AGPAT1: variants seen among roughly 807,000 people sequenced by gnomAD.
AGPAT1 encodes the protein 1-acylglycerol-3-phosphate O-acyltransferase 1, also known as 1-acyl-sn-glycerol-3-phosphate acyltransferase alpha.
AGPAT1 carries 6 observed loss-of-function variants against 31.2 expected under a neutral mutation model. The ratio of observed to expected loss-of-function variants is 0.19; its 90% CI spans 0.11 to 0.38. The LOEUF (loss-of-function observed/expected upper bound fraction) is 0.38, where lower values mean the gene tolerates loss of function less well. AGPAT1 is among the 10% of genes least tolerant of loss of function. AGPAT1 has a pLI of 1.00. For synonymous variants in AGPAT1, 139 were observed against 154.0 expected, an observed-to-expected ratio of 0.90 and a Z score of 0.72; for missense variants, 187 against 377.8, an observed-to-expected ratio of 0.49 and a Z score of 4.19.
rs769152569 is a variant in AGPAT1 at position 32,171,406 on chromosome 6, T to C, written c.91A>G (p.Ser31Gly). 1.2e-6 allele frequency: 2 copies of C among 1,613,158 alleles called. No homozygotes were observed. The highest frequency in any genetic ancestry group is 2.2e-5 in the East Asian group (1 of 44,882). The change falls in exon 2 of 7, where the codon AGT (serine) becomes GGT (glycine). Residue 31 changes from serine to glycine, a missense_variant. This residue lies in a region of AGPAT1 where 45 missense variants were observed against 60.9 expected (regional missense o/e 0.74). Transcript: ENST00000375107. The surrounding 1 kb of genome is among the most constrained non-coding windows in gnomAD (Gnocchi z 6.9). ...GCCATCTTGAAGAAGTACTTGGCACTGGGGCTGCAGAACCACAGGGTGGGC... is the reference window on the plus strand; with the variant it reads ...GCCATCTTGAAGAAGTACTTGGCACCGGGGCTGCAGAACCACAGGGTGGGC... ...LLPTLWFCSP[S>G]AKYFFKMAFY...
rs1264314594 is a variant in AGPAT1, at chr6:32,174,333, C to T, written c.-10+1481G>A. ...TAGAAGTGACTACTAAAAGAAGTCACTGAGAAAGTAACGAACACACCAAGC... is the reference window on the plus strand; with the variant it reads ...TAGAAGTGACTACTAAAAGAAGTCATTGAGAAAGTAACGAACACACCAAGC... On this transcript the variant is annotated intron_variant, in intron 1 of 6. Coordinates refer to ENST00000375107, the MANE Select transcript of AGPAT1 (RefSeq NM_006411.4). The surrounding 1 kb of genome is among the most constrained non-coding windows in gnomAD (Gnocchi z 4.5). Among the ~76,000 whole-genome samples the T allele has an allele frequency of 6.6e-6, 1 of 152,148 alleles. No homozygotes were observed. The highest frequency in any genetic ancestry group is 2.4e-5 in the African/African-American group (1 of 41,418).
At chr6:32,176,586 CTCTGG>C, upstream of AGPAT1, 1 of 960,390 alleles carries the variant, frequency 1.0e-6, no homozygotes, top group Non-Finnish European at 1.2e-6. Flanking sequence ...CTCTCCAGTC[CTCTGG>C]TCTGGTTTCC....
Position 32,168,501 on chromosome 6 carries a change from G to A in AGPAT1, c.*775C>T, listed in dbSNP as rs1217797524. 6.4e-6 allele frequency: 1 copy of A among 155,324 alleles called. No homozygotes were observed. 9.6% of individuals were successfully genotyped at this position (155,324 alleles called of 1,614,324 possible). A position where few individuals can be genotyped will look rare whatever the true frequency, so the allele number is the denominator to read the frequency against. On this transcript the variant is annotated 3_prime_UTR_variant, in exon 7 of 7. Transcript: ENST00000375107. The surrounding 1 kb of genome is among the most constrained non-coding windows in gnomAD (Gnocchi z 4.5). Reference sequence around the variant, plus strand: ...AACTCCCCAGGGGGCAGAAGTGAGTGCAGCACCTGATGTCTGCTTCTTCCC... The same window carrying A: ...AACTCCCCAGGGGGCAGAAGTGAGTACAGCACCTGATGTCTGCTTCTTCCC...
chr6:32,174,899 G>A lies in AGPAT1; in HGVS notation c.-10+915C>T, dbSNP rs567202702. 9.9e-5 allele frequency among the ~76,000 whole-genome samples: 15 copies of A among 152,118 alleles called. No homozygotes were observed. Among genetic ancestry groups the A allele is most frequent in the Non-Finnish European group, 1.8e-4 (12 of 68,020 alleles). ...TTACATCAGTGTATCATGCAAAGGCGCATACACATGTGTTCTGTGAACTGT... is the reference window on the plus strand; with the variant it reads ...TTACATCAGTGTATCATGCAAAGGCACATACACATGTGTTCTGTGAACTGT... On this transcript the variant is annotated intron_variant, in intron 1 of 6. Transcript: ENST00000375107. This position sits in a 1 kb window ranked among gnomAD's most constrained non-coding sequence, Gnocchi z 4.5.
chr6:32,168,755 T>G lies in AGPAT1; in HGVS notation c.*521A>C. 1 of 155,856 alleles carries G rather than the reference T, an allele frequency of 6.4e-6. No individual in the cohort carries two copies. The highest frequency in any genetic ancestry group is 1.9e-4 in the East Asian group (1 of 5,288). 9.7% of individuals were successfully genotyped at this position (155,856 alleles called of 1,614,324 possible). A position where few individuals can be genotyped will look rare whatever the true frequency, so the allele number is the denominator to read the frequency against. ...ACACTGGGAGGGAAGGTGAAGGTGC[T>G]GAGGAAAGCTCCCATGATGAGCCTG... On this transcript the variant is annotated 3_prime_UTR_variant, in exon 7 of 7. Transcript: ENST00000375107. The surrounding 1 kb of genome is among the most constrained non-coding windows in gnomAD (Gnocchi z 4.5).
chr6:32,169,296 T>G lies in AGPAT1; in HGVS notation c.832A>C (p.Lys278Gln). 1.2e-6 allele frequency: 2 copies of G among 1,612,814 alleles called. No homozygotes were observed. Among genetic ancestry groups the G allele is most frequent in the Non-Finnish European group, 1.7e-6 (2 of 1,179,886 alleles). Residue 278 changes from lysine to glutamine, a missense_variant, in exon 7 of 7, where the codon AAG becomes CAG. By Grantham distance (53) the Lys-to-Gln change is moderately conservative. Transcript: ENST00000375107. This position sits in a 1 kb window ranked among gnomAD's most constrained non-coding sequence, Gnocchi z 5.9. ...AGGGTTCACCCACCGCCCCCAGGCT[T>G]CTTCAGATAGTCACCACCACCCCGG... is the stretch of plus-strand genomic sequence containing the variant. ...DGRGGGDYLKKPGGGG is the reference protein window; with the variant it reads ...DGRGGGDYLKQPGGGG
Position 32,171,141 on chromosome 6 carries a change from C to T in AGPAT1, c.201-71G>A, listed in dbSNP as rs1785061443. 1.9e-6 allele frequency: 3 copies of T among 1,590,084 alleles called. No homozygotes were observed. The highest frequency in any genetic ancestry group is 2.6e-6 in the Non-Finnish European group (3 of 1,165,510). ...ATCTGCATGCCTCAGCTCCCCCCAC[C>T]TTACTGTCTTTCTGACCACCTTTGC... is the stretch of plus-strand genomic sequence containing the variant. On this transcript the variant is annotated intron_variant, in intron 2 of 6. Coordinates refer to ENST00000375107, the MANE Select transcript of AGPAT1 (RefSeq NM_006411.4). The surrounding 1 kb of genome is among the most constrained non-coding windows in gnomAD (Gnocchi z 6.9).
rs1048634293 is a variant in AGPAT1, at chr6:32,170,618, T to A, written c.335-18A>T. 1.9e-6 allele frequency: 3 copies of A among 1,608,626 alleles called. No homozygotes were observed. Among genetic ancestry groups the A allele is most frequent in the Non-Finnish European group, 2.5e-6 (3 of 1,179,858 alleles). On this transcript the variant is annotated intron_variant, in intron 3 of 6. Transcript: ENST00000375107. This position sits in a 1 kb window ranked among gnomAD's most constrained non-coding sequence, Gnocchi z 7.7. Reference sequence around the variant, plus strand: ...CATCATCCCTTGGGCAGGGTGGGAGTGGGTGAGGATCGGGGTGGAGGCAGA... The same window carrying A: ...CATCATCCCTTGGGCAGGGTGGGAGAGGGTGAGGATCGGGGTGGAGGCAGA...
At position 32,170,314 on chromosome 6, in the gene AGPAT1, G is replaced by C; in HGVS notation, c.511-54C>G. Reference sequence around the variant, plus strand: ...AAATACATATGGAGGAGTCAGAATAGGTGTGATGTTATAATGGGACCTTTG... The same window carrying C: ...AAATACATATGGAGGAGTCAGAATACGTGTGATGTTATAATGGGACCTTTG... On this transcript the variant is annotated intron_variant, in intron 4 of 6. Transcript: ENST00000375107. This position sits in a 1 kb window ranked among gnomAD's most constrained non-coding sequence, Gnocchi z 7.7. The C allele has an allele frequency of 6.2e-7, 1 of 1,604,862 alleles. No homozygotes were observed. The highest frequency in any genetic ancestry group is 2.2e-5 in the East Asian group (1 of 44,700).
Position 32,175,246 on chromosome 6 carries a change from C to T in AGPAT1, c.-10+568G>A, listed in dbSNP as rs1341634727. Reference sequence around the variant, plus strand: ...GCAATTCTGATAGAAAATAACACACCATTTCTACACAGCCTATGGATAGCA... The same window carrying T: ...GCAATTCTGATAGAAAATAACACACTATTTCTACACAGCCTATGGATAGCA... On this transcript the variant is annotated intron_variant, in intron 1 of 6. Transcript: ENST00000375107. This position sits in a 1 kb window ranked among gnomAD's most constrained non-coding sequence, Gnocchi z 4.5. Among the ~76,000 whole-genome samples the T allele has an allele frequency of 6.6e-6, 1 of 152,032 alleles. No homozygotes were observed. Among genetic ancestry groups the T allele is most frequent in the African/African-American group, 2.4e-5 (1 of 41,362 alleles).
rs1490269716 is a variant in AGPAT1 at position 32,171,255 on chromosome 6, ACC to A, written c.200+40_200+41del. On this transcript the variant is annotated intron_variant, in intron 2 of 6. Transcript: ENST00000375107. This position sits in a 1 kb window ranked among gnomAD's most constrained non-coding sequence, Gnocchi z 6.9. ...TCCCCCAATCCACTACTCACTTTGT[ACC>A]CTTAGGTTCCCTCATTGCCCAAGAC... is the stretch of plus-strand genomic sequence containing the variant. The A allele has an allele frequency of 5.6e-6, 9 of 1,612,652 alleles. No homozygotes were observed. The highest frequency in any genetic ancestry group is 6.8e-6 in the Non-Finnish European group (8 of 1,179,952).
At position 32,174,137 on chromosome 6, in the gene AGPAT1, C is replaced by G. The variant is rs1785332182; in HGVS notation, c.-10+1677G>C. On this transcript the variant is annotated intron_variant, in intron 1 of 6. Coordinates refer to ENST00000375107, the MANE Select transcript of AGPAT1 (RefSeq NM_006411.4). The surrounding 1 kb of genome is among the most constrained non-coding windows in gnomAD (Gnocchi z 4.5). ...GTTTCCCTCCTTAGGCTGTAAGCAG[C>G]TTAAGGACAGGGACTCTGTCTTATC... 6.6e-6 allele frequency among the ~76,000 whole-genome samples: 1 copy of G among 152,130 alleles called. No homozygotes were observed. Among genetic ancestry groups the G allele is most frequent in the Non-Finnish European group, 1.5e-5 (1 of 68,024 alleles).
chr6:32,176,427 G>C, upstream of AGPAT1: 1 of 906,176 alleles, frequency 1.1e-6, no homozygotes, highest in Non-Finnish European at 1.3e-6. Context: ...CCGGTTATCT[G>C]CTGCTTATTC....
rs373819574 is a variant in AGPAT1, at chr6:32,169,838, G to A, written c.679+128C>T. The stretch of plus-strand genomic sequence containing the variant: ...GCTTAGTAAAGACTTATTGGCTGAT[G>A]TGGGGTTAGACTAGATGACTGTGTA... On this transcript the variant is annotated intron_variant, in intron 6 of 6. Transcript: ENST00000375107. The surrounding 1 kb of genome is among the most constrained non-coding windows in gnomAD (Gnocchi z 5.9). 3.9e-4 allele frequency: 337 copies of A among 854,904 alleles called. 27 individuals are homozygous for A. The highest frequency in any genetic ancestry group is 1.6e-3 in the East Asian group (59 of 38,034). The allele number at this position is 854,904 out of a possible 1,614,324, so 53.0% of individuals were successfully genotyped here. A position where few individuals can be genotyped will look rare whatever the true frequency, so the allele number is the denominator to read the frequency against.
Position 32,170,322 on chromosome 6 carries a change from G to A in AGPAT1, c.511-62C>T. On this transcript the variant is annotated intron_variant, in intron 4 of 6. Coordinates refer to ENST00000375107, the MANE Select transcript of AGPAT1 (RefSeq NM_006411.4). The surrounding 1 kb of genome is among the most constrained non-coding windows in gnomAD (Gnocchi z 7.7). ...ATGGAGGAGTCAGAATAGGTGTGAT[G>A]TTATAATGGGACCTTTGAGGCCCAC... 6 of 1,604,828 alleles carry A rather than the reference G, an allele frequency of 3.7e-6. No individual in the cohort carries two copies. Among genetic ancestry groups the A allele is most frequent in the South Asian group, 3.3e-5 (3 of 90,576 alleles).
In AGPAT1 at chr6:32,173,002, T is replaced by C. The variant is rs1394655766; in HGVS notation, c.-9-1497A>G. The C allele has an allele frequency of 2.0e-5, 3 of 152,222 alleles. No individual in the cohort carries two copies. Among genetic ancestry groups the C allele is most frequent in the Admixed American group, 6.5e-5 (1 of 15,284 alleles). 9.4% of individuals were successfully genotyped at this position (152,222 alleles called of 1,614,324 possible). A position where few individuals can be genotyped will look rare whatever the true frequency, so the allele number is the denominator to read the frequency against. On this transcript the variant is annotated intron_variant, in intron 1 of 6. Transcript: ENST00000375107. The surrounding 1 kb of genome is among the most constrained non-coding windows in gnomAD (Gnocchi z 4.7). The stretch of plus-strand genomic sequence containing the variant: ...CAAACGAATCCTACTACCCTTTCCC[T>C]TCCTTCTAGTGACACTTTGCGTGGG...
Position 32,172,912 on chromosome 6 carries a change from A to G in AGPAT1, c.-9-1407T>C, listed in dbSNP as rs1040401590. ...CCCTCTCCACCCAGGCAGCTCCCCT[A>G]TTCCTAGGTAAACTTATGGACATAC... On this transcript the variant is annotated intron_variant, in intron 1 of 6. Transcript: ENST00000375107. This position sits in a 1 kb window ranked among gnomAD's most constrained non-coding sequence, Gnocchi z 4.3. 1 of 152,246 alleles carries G rather than the reference A, an allele frequency of 6.6e-6. No homozygotes were observed. Among genetic ancestry groups the G allele is most frequent in the African/African-American group, 2.4e-5 (1 of 41,458 alleles). 9.4% of individuals were successfully genotyped at this position (152,246 alleles called of 1,614,324 possible). A position where few individuals can be genotyped will look rare whatever the true frequency, so the allele number is the denominator to read the frequency against.
rs1032969205 is a variant in AGPAT1, at chr6:32,169,706, T to C, written c.680-258A>G. Among the ~76,000 whole-genome samples the C allele has an allele frequency of 6.6e-6, 1 of 152,140 alleles. No homozygotes were observed. Among genetic ancestry groups the C allele is most frequent in the African/African-American group, 2.4e-5 (1 of 41,410 alleles). ...TTTGGCATTTACTGCTGAATGAGTG[T>C]TATTCATTACAGCTTTGTGCACACA... On this transcript the variant is annotated intron_variant, in intron 6 of 6. Coordinates refer to ENST00000375107, the MANE Select transcript of AGPAT1 (RefSeq NM_006411.4). This position sits in a 1 kb window ranked among gnomAD's most constrained non-coding sequence, Gnocchi z 5.9.
In AGPAT1 at chr6:32,173,605, A is replaced by G. The variant is rs1310099683; in HGVS notation, c.-9-2100T>C. ...CTTACATCTTCGACCACATCCTCAC[A>G]AAACTCTTTGTTCCAGTCAAACTGA... On this transcript the variant is annotated intron_variant, in intron 1 of 6. Coordinates refer to ENST00000375107, the MANE Select transcript of AGPAT1 (RefSeq NM_006411.4). The surrounding 1 kb of genome is among the most constrained non-coding windows in gnomAD (Gnocchi z 4.7). 6.6e-6 allele frequency among the ~76,000 whole-genome samples: 1 copy of G among 152,182 alleles called. No individual in the cohort carries two copies. The highest frequency in any genetic ancestry group is 2.4e-5 in the African/African-American group (1 of 41,444).
Sources: allele counts gnomAD v4.1 joint callset (sites outside exome capture counted in the v4.1 genomes callset), GRCh38; gene constraint gnomAD v4.1.1; regional missense constraint gnomAD v4.1.1; non-coding constraint Gnocchi (gnomAD v3.1); transcripts MANE v1.5; gene names NCBI Gene and HGNC (gene_info 2026-07-23, HGNC 2026-07-21).